TRIM51: variants seen among roughly 807,000 people sequenced by gnomAD.
The protein encoded by TRIM51 is tripartite motif-containing 51.
In TRIM51, 23 loss-of-function variants were observed where a neutral mutation model predicts 32.7. The observed-to-expected ratio is 0.70, with a 90% CI of 0.51 to 1.00. The LOEUF (loss-of-function observed/expected upper bound fraction) is 1.00, where lower values mean the gene tolerates loss of function less well. TRIM51 is among the 50% of genes least tolerant of loss of function. TRIM51 has a pLI of 0.00. For synonymous variants in TRIM51, 177 were observed against 181.9 expected (o/e 0.97, Z 0.22); for missense variants, 592 against 539.2 (o/e 1.10, Z -0.97).
intron 1 of TRIM51, 38 bp from the exon 2 acceptor site, chr11:55,885,387 C>G (rs1234360831): frequency 6.2e-7 from 1 of 1,610,320 alleles, no homozygotes; most frequent in Non-Finnish European, 8.5e-7. Context: ...TTTCACCAAC[C>G]CAGACCCCAA....
At position 55,888,174 on chromosome 11, in the gene TRIM51, C is replaced by A; in HGVS notation, c.650C>A (p.Ala217Asp). ...DIFQQLNESK[A>D]RMEHSRELLR... ...TTTCAGCAACTCAATGAAAGCAAAG[C>A]CAGAATGGAACATTCCAGGGAGCTT... The change falls in exon 4 of 7, where the codon GCC becomes GAC. Residue 217 changes from alanine to aspartate, a missense_variant. Transcript: ENST00000449290. 2 of 1,613,600 alleles carry A rather than the reference C, an allele frequency of 1.2e-6. No homozygotes were observed. Among genetic ancestry groups the A allele is most frequent in the Non-Finnish European group, 1.7e-6 (2 of 1,179,642 alleles).
Position 55,891,397 on chromosome 11 carries a change from A to C in TRIM51, c.1124A>C (p.Glu375Ala). The C allele has an allele frequency of 1.9e-6, 3 of 1,612,362 alleles. No homozygotes were observed. Among genetic ancestry groups the C allele is most frequent in the Non-Finnish European group, 2.5e-6 (3 of 1,179,722 alleles). The stretch of plus-strand genomic sequence containing the variant: ...CAGAATGACAAGATAGATGGAGAGG[A>C]GGGACTCTTTCTTCTTGGATGTGTT... ...KRQNDKIDGE[E>A]GLFLLGCVKE... Residue 375 changes from glutamate to alanine, a missense_variant, in exon 7 of 7, where the codon GAG becomes GCG. By Grantham distance (107) the Glu-to-Ala change is moderately radical (BLOSUM62 -1). Transcript: ENST00000449290.
chr11:55,888,265 A>T lies in TRIM51; in HGVS notation c.738+3A>T. On this transcript the variant is annotated splice_donor_region_variant and intron_variant, in intron 4 of 6. Transcript: ENST00000449290. ...AAGCAGATGTGGAGCTACTCCAGGT[A>T]TGGACTGACCATGGGGTATCATGAT... 3 of 1,605,204 alleles carry T rather than the reference A, an allele frequency of 1.9e-6. No homozygotes were observed. In the South Asian group the frequency reaches 3.3e-5, roughly 18 times the overall value.
intron 3 of TRIM51, among the ~76,000 whole-genome samples, chr11:55,887,533 C>T (rs1418732032): frequency 1.3e-5 from 2 of 151,800 alleles, no homozygotes; most frequent in Non-Finnish European, 2.9e-5. Context: ...CACAAAGAAG[C>T]CCATGTTGCC....
At chr11:55,890,345 C>A (rs888491021) in intron 6 of TRIM51, among the ~76,000 whole-genome samples, 7 of 151,978 alleles carry the variant, frequency 4.6e-5, no homozygotes, top group African/African-American at 1.2e-4. Context: ...GCATAATAAT[C>A]CAAGGTTACA....
At position 55,890,003 on chromosome 11, in the gene TRIM51, A is replaced by G. The variant is rs1854628207; in HGVS notation, c.823A>G (p.Ile275Val). ...PVNPELSAGP[I>V]TGLLDSLSGF... ...GAATCCAGAGCTCAGTGCAGGGCCC[A>G]TCACTGGACTGCTGGACAGCCTCAG... The change falls in exon 6 of 7, where the codon ATC (isoleucine) becomes GTC (valine). Residue 275 changes from isoleucine to valine, a missense_variant. By Grantham distance (29) the Ile-to-Val change is conservative. Transcript: ENST00000449290. 3 of 1,613,200 alleles carry G rather than the reference A, an allele frequency of 1.9e-6. No homozygotes were observed. In the African/African-American group the frequency reaches 4.0e-5, roughly 22 times the overall value.
intron 1 of TRIM51, 143 bp from the exon 2 acceptor site, chr11:55,885,282 T>C: frequency 3.3e-6 from 3 of 915,122 alleles, no homozygotes; most frequent in Non-Finnish European, 5.1e-6. Flanking sequence ...GTTTGAATTT[T>C]TCATTTTTGT....
intron 1 of TRIM51, 51 bp from the exon 2 acceptor site, chr11:55,885,374 G>T: frequency 6.2e-7 from 1 of 1,602,014 alleles, no homozygotes; most frequent in Non-Finnish European, 8.5e-7. Context: ...CATGTTCACG[G>T]ATTTTCACCA....
At chr11:55,890,861 A>T (rs1290256827) in intron 6 of TRIM51, among the ~76,000 whole-genome samples, 2 of 152,182 alleles carry the variant, frequency 1.3e-5, no homozygotes, top group Non-Finnish European at 2.9e-5. Flanking sequence ...TCATTTTTAC[A>T]TTGGAGATTG....
intron 3 of TRIM51, among the ~76,000 whole-genome samples, chr11:55,887,145 A>C (rs1279789346): frequency 6.6e-6 from 1 of 151,892 alleles, no homozygotes; most frequent in Non-Finnish European, 1.5e-5. Flanking sequence ...GGGACTGGGG[A>C]TGAGGGTTTG....
intron 1 of TRIM51, among the ~76,000 whole-genome samples, chr11:55,884,182 T>TATATATATATATATATATACATAC (rs1458218535): frequency 5.4e-5 from 6 of 110,276 alleles, no homozygotes; most frequent in Admixed American, 1.8e-4. Flanking sequence ...TATATATATA[T>TATATATATATATATATATACATAC]ACACATACCA....
chr11:55,891,700 C>T lies in TRIM51; in HGVS notation c.*68C>T, dbSNP rs925793087. ...GTTTATCCCAGAAAGCCCTCTTTTT[C>T]GCACCTCATCAAACAGAACAAATAA... is the stretch of plus-strand genomic sequence containing the variant. On this transcript the variant is annotated 3_prime_UTR_variant, in exon 7 of 7. Transcript: ENST00000449290. The T allele has an allele frequency of 8.4e-5, 131 of 1,558,090 alleles. No individual in the cohort carries two copies. The highest frequency in any genetic ancestry group is 6.9e-4 in the South Asian group (61 of 88,082).
At position 55,891,597 on chromosome 11, in the gene TRIM51, C is replaced by T. The variant is rs1854651831; in HGVS notation, c.1324C>T (p.Pro442Ser). 6.2e-7 allele frequency: 1 copy of T among 1,613,024 alleles called. No individual in the cohort carries two copies. Among genetic ancestry groups the T allele is most frequent in the Admixed American group, 1.7e-5 (1 of 59,970 alleles). The change falls in exon 7 of 7, where the codon CCT (proline) becomes TCT (serine). Residue 442 changes from proline (P) to serine (S), a missense_variant. Transcript: ENST00000449290. The stretch of plus-strand genomic sequence containing the variant: ...CATCCCCAATTGCTCCTTCTCACCT[C>T]CTCTCAGGCCTATCTTTTGCTGTAG... ...YTIPNCSFSP[P>S]LRPIFCCSHF
At chr11:55,888,470 A>G (rs1220293924) in intron 4 of TRIM51, among the ~76,000 whole-genome samples, 1 of 152,234 alleles carries the variant, frequency 6.6e-6, no homozygotes, top group Non-Finnish European at 1.5e-5. Flanking sequence ...CACCAGCAAC[A>G]AAACTTTGTA....
At position 55,886,222 on chromosome 11, in the gene TRIM51, A is replaced by G; in HGVS notation, c.507+4A>G. 6.2e-7 allele frequency: 1 copy of G among 1,610,486 alleles called. No homozygotes were observed. Among genetic ancestry groups the G allele is most frequent in the East Asian group, 2.2e-5 (1 of 44,870 alleles). On this transcript the variant is annotated splice_donor_region_variant and intron_variant, in intron 3 of 6. Coordinates refer to ENST00000449290, the MANE Select transcript of TRIM51 (RefSeq NM_032681.4). ...CACAAGAACCAGATGCTGGAAGGTT[A>G]GTACCGTATGACTCTACCTTCTCCG... is the stretch of plus-strand genomic sequence containing the variant.
chr11:55,884,309 G>T (rs1418485553), intron 1 of TRIM51, among the ~76,000 whole-genome samples: 2 of 151,118 alleles, frequency 1.3e-5, no homozygotes, highest in Admixed American at 1.3e-4. Flanking sequence ...ACCCTATGAT[G>T]TTCAAACAAT....
chr11:55,884,755 T>C (rs550269141), intron 1 of TRIM51, among the ~76,000 whole-genome samples: 3 of 152,282 alleles, frequency 2.0e-5, no homozygotes, highest in South Asian at 2.1e-4. Context: ...TATAATGATA[T>C]ATATTTCAGT....
intron 5 of TRIM51, among the ~76,000 whole-genome samples, chr11:55,889,221 A>G (rs1854617375): frequency 6.6e-6 from 1 of 152,046 alleles, no homozygotes; most frequent in South Asian, 2.1e-4. Flanking sequence ...AAAATAAATA[A>G]ATAAATAAAT....
chr11:55,888,882 A>G, intron 4 of TRIM51, 97 bp from the exon 5 acceptor site: 2 of 1,095,134 alleles, frequency 1.8e-6, no homozygotes, highest in South Asian at 1.3e-5. Flanking sequence ...GTAGGAAAAT[A>G]GTATCTTCAG....
Sources: allele counts gnomAD v4.1 joint callset (sites outside exome capture counted in the v4.1 genomes callset), GRCh38; gene constraint gnomAD v4.1.1; transcripts MANE v1.5; gene names NCBI Gene and HGNC (gene_info 2026-07-23, HGNC 2026-07-21).